The following C1D variants were observed in gnomAD, a reference collection of about 807,000 sequenced individuals.
C1D encodes the protein nuclear nucleic acid-binding protein C1D.
C1D carries 10 observed loss-of-function variants against 17.5 expected under a neutral mutation model. The ratio of observed to expected loss-of-function variants is 0.57; its 90% CI spans 0.35 to 0.97. The LOEUF is 0.97. C1D is among the 50% of genes least tolerant of loss of function. The pLI, the probability that C1D is intolerant of heterozygous loss-of-function variation, is 0.01. For synonymous variants in C1D, 49 were observed against 54.0 expected, an observed-to-expected ratio of 0.91 and a Z score of 0.40; for missense variants, 136 against 160.1, an observed-to-expected ratio of 0.85 and a Z score of 0.81.
intron 1 of C1D, among the ~76,000 whole-genome samples, chr2:68,060,263 C>T (rs929804221): frequency 4.6e-5 from 7 of 152,246 alleles, no homozygotes; most frequent in African/African-American, 1.4e-4. Context: ...AACTACAACA[C>T]CTCCGTGATT....
rs1222384668 is a variant in C1D at position 68,042,588 on chromosome 2, A to G, written c.*301T>C. 5.5e-6 allele frequency: 1 copy of G among 182,410 alleles called. No individual in the cohort carries two copies. Among genetic ancestry groups the G allele is most frequent in the Non-Finnish European group, 1.2e-5 (1 of 85,798 alleles). 11.3% of individuals were successfully genotyped at this position (182,410 alleles called of 1,614,324 possible). ...AATGTTTACAAAGAACATTTCACTT[A>G]AATTTCACAGCTGCTTATAAAATGG... On this transcript the variant is annotated 3_prime_UTR_variant, in exon 5 of 5. Coordinates refer to ENST00000410067, the MANE Select transcript of C1D (RefSeq NM_173177.3).
intron 1 of C1D, among the ~76,000 whole-genome samples, chr2:68,048,187 A>G (rs916958871): frequency 1.3e-5 from 2 of 152,206 alleles, no homozygotes; most frequent in Non-Finnish European, 2.9e-5. Context: ...CCCATGCTTT[A>G]AAAATTCACC....
chr2:68,059,968 T>C (rs1240922754), intron 1 of C1D, among the ~76,000 whole-genome samples: 2 of 152,080 alleles, frequency 1.3e-5, no homozygotes, highest in African/African-American at 4.8e-5. Context: ...CTACTCAACA[T>C]CTCCACTTAG....
chr2:68,043,711 G>A lies in C1D; in HGVS notation c.262-658C>T, dbSNP rs576068956. Among the ~76,000 whole-genome samples the A allele has an allele frequency of 6.6e-5, 10 of 152,238 alleles. No homozygotes were observed. The East Asian group carries it at 1.5e-3, about 24-fold the overall frequency. ...TAATCAGCATAAATGGCTATCTTAC[G>A]CTTCAAATGAAGAAATAAAGTTGAT... is the stretch of plus-strand genomic sequence containing the variant. On this transcript the variant is annotated intron_variant, in intron 4 of 4. Transcript: ENST00000410067.
At chr2:68,052,220 G>C (rs773686310) in intron 1 of C1D, among the ~76,000 whole-genome samples, 1 of 151,842 alleles carries the variant, frequency 6.6e-6, no homozygotes. Context: ...AAAAAAAATT[G>C]TATATACATA....
At chr2:68,052,947 T>A (rs571792063) in intron 1 of C1D, 1 of 1,390,532 alleles carries the variant, frequency 7.2e-7, no homozygotes, top group East Asian at 2.5e-5. Context: ...CTCTAAGCAT[T>A]CCACATGCAC....
chr2:68,053,014 G>T, intron 1 of C1D: 1 of 1,544,628 alleles, frequency 6.5e-7, no homozygotes, highest in East Asian at 2.4e-5. Flanking sequence ...TAAAGAACAT[G>T]CCTAAAGTTG....
chr2:68,050,960 A>ACTAC (rs1193673603), intron 1 of C1D, among the ~76,000 whole-genome samples: 2 of 152,276 alleles, frequency 1.3e-5, no homozygotes, highest in Admixed American at 1.3e-4. Context: ...GTGATCCTTG[A>ACTAC]CTACTCTCTC....
At chr2:68,050,660 C>T (rs1671254248) in intron 1 of C1D, among the ~76,000 whole-genome samples, 1 of 152,102 alleles carries the variant, frequency 6.6e-6, no homozygotes, top group Non-Finnish European at 1.5e-5. Flanking sequence ...TTTGAAGTGC[C>T]CAGAGGCTGT....
At chr2:68,049,033 C>T (rs1671209875) in intron 1 of C1D, among the ~76,000 whole-genome samples, 1 of 151,918 alleles carries the variant, frequency 6.6e-6, no homozygotes. Context: ...CCCATCTCTA[C>T]TAAAAATACA....
rs555511736 is a variant in C1D at position 68,049,922 on chromosome 2, G to C, written c.-9-2603C>G. Reference sequence around the variant, plus strand: ...AAGAGACAGCCAGGAGAAAGTATCTGACAAAATATCACAAAGAATTAGATA... The same window carrying C: ...AAGAGACAGCCAGGAGAAAGTATCTCACAAAATATCACAAAGAATTAGATA... On this transcript the variant is annotated intron_variant, in intron 1 of 4. Coordinates refer to ENST00000410067, the MANE Select transcript of C1D (RefSeq NM_173177.3). Among the ~76,000 whole-genome samples, 4 of 152,232 alleles carry C rather than the reference G, an allele frequency of 2.6e-5. No homozygotes were observed. In the East Asian group the frequency reaches 7.7e-4, roughly 29 times the overall value.
intron 1 of C1D, among the ~76,000 whole-genome samples, chr2:68,057,561 G>A (rs1671474687): frequency 6.6e-6 from 1 of 152,166 alleles, no homozygotes; most frequent in Non-Finnish European, 1.5e-5. Context: ...GCTGTTAACT[G>A]TGGTCACTTC....
chr2:68,046,630 G>C, intron 2 of C1D: 2 of 472,244 alleles, frequency 4.2e-6, no homozygotes, highest in Non-Finnish European at 7.5e-6. Context: ...TCACCTTAGG[G>C]TATCATCTTT....
Position 68,047,187 on chromosome 2 carries a change from C to T in C1D, c.124G>A (p.Glu42Lys), listed in dbSNP as rs1671150709. The change falls in exon 2 of 5, where the codon GAG becomes AAG. Residue 42 changes from glutamate (E) to lysine (K), a missense_variant. Coordinates refer to ENST00000410067, the MANE Select transcript of C1D (RefSeq NM_173177.3). Reference protein sequence around the residue: ...LKTMMSVSRNELLQKLDPLEQ... With the variant: ...LKTMMSVSRNKLLQKLDPLEQ... ...TTTTAAAATACCTTCTGCAACAACT[C>T]ATTTCTAGAAACAGACATCATGGTC... is the stretch of plus-strand genomic sequence containing the variant. 1 of 1,603,500 alleles carries T rather than the reference C, an allele frequency of 6.2e-7. No individual in the cohort carries two copies. The highest frequency in any genetic ancestry group is 8.5e-7 in the Non-Finnish European group (1 of 1,177,372).
chr2:68,056,295 G>T (rs912091300), intron 1 of C1D, among the ~76,000 whole-genome samples: 2 of 151,978 alleles, frequency 1.3e-5, no homozygotes, highest in Non-Finnish European at 2.9e-5. Context: ...AGGAGAGACG[G>T]GGTTTCACCA....
chr2:68,052,087 T>C (rs905446658), intron 1 of C1D, among the ~76,000 whole-genome samples: 5 of 152,112 alleles, frequency 3.3e-5, no homozygotes, highest in Non-Finnish European at 5.9e-5. Flanking sequence ...GAATATTACA[T>C]GTCTTCTAAA....
At position 68,047,157 on chromosome 2, in the gene C1D, T is replaced by TA. The variant is rs1430814310; in HGVS notation, c.138+15dup. On this transcript the variant is annotated intron_variant, in intron 2 of 4. Transcript: ENST00000410067. ...TTTATGAAATTCATTTTTAGGAAAT[T>TA]ACATTTTTAAAATACCTTCTGCAAC... The TA allele has an allele frequency of 1.9e-6, 3 of 1,590,034 alleles. No individual in the cohort carries two copies. The African/African-American group carries it at 4.1e-5, about 22-fold the overall frequency.
At chr2:68,053,500 G>A (rs185262574) in intron 1 of C1D, among the ~76,000 whole-genome samples, 64 of 152,156 alleles carry the variant, frequency 4.2e-4, no homozygotes, top group African/African-American at 1.4e-3. Flanking sequence ...TATTCTCACT[G>A]ACTAGATTAT....
intron 1 of C1D, among the ~76,000 whole-genome samples, chr2:68,062,647 C>A (rs1342662807): frequency 6.6e-6 from 1 of 152,146 alleles, no homozygotes; most frequent in Non-Finnish European, 1.5e-5. Context: ...TTTTTAATTT[C>A]TTCGTCTTCC....
Sources: gnomAD v4.1 joint callset for allele counts (sites outside exome capture counted in the v4.1 genomes callset) on GRCh38, gnomAD v4.1.1 for gene constraint, MANE v1.5 for transcripts, NCBI Gene and HGNC (gene_info 2026-07-23, HGNC 2026-07-21) for gene names.